ACSM2A: variants seen among roughly 807,000 people sequenced by gnomAD.
The protein encoded by ACSM2A is acyl-CoA synthetase medium chain family member 2A.
In ACSM2A, 72 loss-of-function variants were observed where a neutral mutation model predicts 76.6. The observed-to-expected ratio is 0.94, with a 90% CI of 0.78 to 1.14. The LOEUF is 1.14. ACSM2A is among the 50% of genes most tolerant of loss of function. The pLI is 0.00. For synonymous variants in ACSM2A, 249 were observed against 255.9 expected (o/e 0.97, Z 0.26); for missense variants, 684 against 708.5 (o/e 0.97, Z 0.39).
At chr16:20,480,427 CTGG>C (rs1463012054) in intron 10 of ACSM2A, 143 bp from the exon 11 acceptor site, 1 of 1,433,510 alleles carries the variant, frequency 7.0e-7, no homozygotes, top group East Asian at 2.3e-5. Flanking sequence ...CTAGGGTTGG[CTGG>C]TTCAGGGCAT....
At chr16:20,456,774 C>T (rs960297596) in intron 1 of ACSM2A, among the ~76,000 whole-genome samples, 1 of 148,652 alleles carries the variant, frequency 6.7e-6, no homozygotes, top group African/African-American at 2.5e-5. Flanking sequence ...AAACCCAAAC[C>T]CAGCATAAGA....
intron 6 of ACSM2A, among the ~76,000 whole-genome samples, chr16:20,473,315 G>T (rs1341914651): frequency 6.6e-6 from 1 of 152,054 alleles, no homozygotes; most frequent in African/African-American, 2.4e-5. Context: ...ACTTGAACTG[G>T]TTTTTATTAA....
In ACSM2A at chr16:20,475,384, A is replaced by T; in HGVS notation, c.917A>T (p.Lys306Met). 6.2e-7 allele frequency: 1 copy of T among 1,613,762 alleles called. No individual in the cohort carries two copies. The highest frequency in any genetic ancestry group is 2.2e-5 in the East Asian group (1 of 44,882). The change falls in exon 7 of 14, where the codon AAG becomes ATG. Residue 306 changes from lysine (K) to methionine (M), a missense_variant. By Grantham distance (95) the Lys-to-Met change is moderately conservative. Transcript: ENST00000573854. Reference sequence around the variant, plus strand: ...CAGACACTCTCCAGTTATCCAATCAAGAGTATGATGGGTGCCCCCATTGTT... The same window carrying T: ...CAGACACTCTCCAGTTATCCAATCATGAGTATGATGGGTGCCCCCATTGTT... ...ILKTLSSYPI[K>M]SMMGAPIVYR...
At position 20,486,795 on chromosome 16, in the gene ACSM2A, T is replaced by C. The variant is rs1416508303; in HGVS notation, c.*117T>C. On this transcript the variant is annotated 3_prime_UTR_variant, in exon 14 of 14. Coordinates refer to ENST00000573854, the MANE Select transcript of ACSM2A (RefSeq NM_001308172.2). ...TTATGGAAGAACATGAATATAAGTT[T>C]TGTCTTGCCTTGGTTATTAGCACAA... is the stretch of plus-strand genomic sequence containing the variant. 15 of 1,289,366 alleles carry C rather than the reference T, an allele frequency of 1.2e-5. No individual in the cohort carries two copies. Among genetic ancestry groups the C allele is most frequent in the Non-Finnish European group, 1.6e-5 (15 of 918,058 alleles). 79.9% of individuals were successfully genotyped at this position (1,289,366 alleles called of 1,614,324 possible).
chr16:20,459,594 G>A (rs978513895), intron 1 of ACSM2A, among the ~76,000 whole-genome samples: 2 of 152,196 alleles, frequency 1.3e-5, no homozygotes, highest in African/African-American at 4.8e-5. Context: ...GTCTCATGCA[G>A]AGGGGAGAAA....
rs755602035 is a variant in ACSM2A at position 20,478,670 on chromosome 16, G to C, written c.1274G>C (p.Gly425Ala). The C allele has an allele frequency of 8.1e-6, 13 of 1,611,672 alleles. No individual in the cohort carries two copies. Among genetic ancestry groups the C allele is most frequent in the Non-Finnish European group, 6.8e-6 (8 of 1,178,338 alleles). ...ATCAGGCCTATAGGCATCTTCTCTG[G>C]CTATGTGGTGAGAAACTGTGCTCCT... Reference protein sequence around the residue: ...KPIRPIGIFSGYVDNPDKTAA... With the variant: ...KPIRPIGIFSAYVDNPDKTAA... Residue 425 changes from glycine (G) to alanine (A), a missense_variant, in exon 10 of 14, where the codon GGC becomes GCC. Around this residue, in one of 3 missense-constraint regions of ACSM2A, gnomAD observed 519 missense variants for 549.5 expected, o/e 0.94. Coordinates refer to ENST00000573854, the MANE Select transcript of ACSM2A (RefSeq NM_001308172.2).
Position 20,465,597 on chromosome 16 carries a change from G to A in ACSM2A, c.258G>A (p.Leu86=), listed in dbSNP as rs1289286688. The A allele has an allele frequency of 1.9e-6, 3 of 1,613,998 alleles. No individual in the cohort carries two copies. Among genetic ancestry groups the A allele is most frequent in the Middle Eastern group, 1.7e-4 (1 of 6,056 alleles). ...GKELMWNFRE[L]SENSQQAANV... ...AATTAATGTGGAATTTCAGAGAACT[G>A]AGTGAAAACAGCCAGCAGGCAGCCA... The change falls in exon 3 of 14, where the codon CTG becomes CTA. Residue 86 remains leucine, a synonymous_variant. Coordinates refer to ENST00000573854, the MANE Select transcript of ACSM2A (RefSeq NM_001308172.2).
At chr16:20,476,478 G>T in intron 8 of ACSM2A, 1 of 985,406 alleles carries the variant, frequency 1.0e-6, no homozygotes, top group Non-Finnish European at 1.2e-6. Flanking sequence ...GAAGGTTGAC[G>T]GCAGCTCTGT....
rs917139959 is a variant in ACSM2A at position 20,483,127 on chromosome 16, C to T, written c.1579C>T (p.Leu527=). 1 of 1,614,080 alleles carries T rather than the reference C, an allele frequency of 6.2e-7. No homozygotes were observed. Among genetic ancestry groups the T allele is most frequent in the Admixed American group, 1.7e-5 (1 of 60,006 alleles). The part of the protein sequence containing the change: ...SHDPEQLTKE[L]QQHVKSVTAP... ...TGACCCAGAACAGCTCACCAAGGAG[C>T]TGCAGCAGCATGTGAAGTCAGTGAC... The change falls in exon 13 of 14, where the codon CTG becomes TTG. Residue 527 remains leucine (L), a synonymous_variant. Coordinates refer to ENST00000573854, the MANE Select transcript of ACSM2A (RefSeq NM_001308172.2).
At chr16:20,483,386 A>G (rs1334115780) in intron 13 of ACSM2A, among the ~76,000 whole-genome samples, 1 of 92,898 alleles carries the variant, frequency 1.1e-5, no homozygotes, top group African/African-American at 3.0e-5. Flanking sequence ...CCTGGCCAAC[A>G]TGGTGAAACC....
intron 6 of ACSM2A, among the ~76,000 whole-genome samples, chr16:20,472,697 A>G (rs772241509): frequency 4.6e-5 from 7 of 151,808 alleles, no homozygotes; most frequent in Non-Finnish European, 1.0e-4. Flanking sequence ...GATTAATTTT[A>G]TCTCTTCTTG....
rs2013806715 is a variant in ACSM2A, at chr16:20,477,368, G to A, written c.1099-1G>A. ...GCTGATCTGTCTGCTTCTTTCCACA[G>A]GGATTAACTTGCATGGTTTCCAAGA... On this transcript the variant is annotated splice_acceptor_variant, in intron 8 of 13. Coordinates refer to ENST00000573854, the MANE Select transcript of ACSM2A (RefSeq NM_001308172.2). LOFTEE classifies it high-confidence loss of function. 1 of 1,597,776 alleles carries A rather than the reference G, an allele frequency of 6.3e-7. No individual in the cohort carries two copies. The highest frequency in any genetic ancestry group is 1.8e-5 in the Admixed American group (1 of 56,992).
chr16:20,469,878 T>C (rs1188118043), intron 4 of ACSM2A, among the ~76,000 whole-genome samples, 159 bp downstream of exon 4: 1 of 148,748 alleles, frequency 6.7e-6, no homozygotes, highest in Non-Finnish European at 1.5e-5. Context: ...GGGTATTTTT[T>C]TTTTTTTTTT....
intron 1 of ACSM2A, among the ~76,000 whole-genome samples, chr16:20,454,821 A>C (rs1485232214): frequency 6.6e-6 from 1 of 151,624 alleles, no homozygotes; most frequent in East Asian, 1.9e-4. Context: ...GAAACTCCTA[A>C]TTTACCTGAG....
chr16:20,460,879 T>C (rs2012581224), intron 2 of ACSM2A, among the ~76,000 whole-genome samples: 1 of 124,060 alleles, frequency 8.1e-6, no homozygotes, highest in Admixed American at 7.8e-5. Context: ...AAAGACTGAG[T>C]CTTCCCAGAA....
intron 1 of ACSM2A, among the ~76,000 whole-genome samples, chr16:20,458,890 T>TAC (rs1213998774): frequency 1.2e-4 from 15 of 124,248 alleles, no homozygotes; most frequent in Non-Finnish European, 2.0e-4. Context: ...ACATAGTATA[T>TAC]ATTATATATA....
chr16:20,486,667 C>T lies in ACSM2A; in HGVS notation c.1723C>T (p.Arg575Cys), dbSNP rs1430246150. Reference sequence around the variant, plus strand: ...GGAGTGGAAGATGTCCGGAAAAGCCCGTGCGCAGTGAGACATCTAAGAGAC... The same window carrying T: ...GGAGTGGAAGATGTCCGGAAAAGCCTGTGCGCAGTGAGACATCTAAGAGAC... ...DKEWKMSGKA[R>C]AQ The change falls in exon 14 of 14, where the codon CGT becomes TGT. Residue 575 changes from arginine (R) to cysteine (C), a missense_variant. By Grantham distance (180) the Arg-to-Cys change is radical. Coordinates refer to ENST00000573854, the MANE Select transcript of ACSM2A (RefSeq NM_001308172.2). The T allele has an allele frequency of 8.1e-6, 13 of 1,614,008 alleles. No individual in the cohort carries two copies. The highest frequency in any genetic ancestry group is 2.2e-5 in the East Asian group (1 of 44,900).
chr16:20,466,754 A>G (rs983632519), intron 3 of ACSM2A, among the ~76,000 whole-genome samples: 1 of 152,252 alleles, frequency 6.6e-6, no homozygotes, highest in Non-Finnish European at 1.5e-5. Context: ...CTGGTCCATC[A>G]GAATGCAAGG....
chr16:20,478,572 C>T lies in ACSM2A; in HGVS notation c.1180-4C>T, dbSNP rs1345155604. ...TCATTCTTCCAATCTGCTTCTTTCT[C>T]CAGATCATAGATGATAAGGGCAACG... On this transcript the variant is annotated splice_polypyrimidine_tract_variant and splice_region_variant and intron_variant, in intron 9 of 13. Coordinates refer to ENST00000573854, the MANE Select transcript of ACSM2A (RefSeq NM_001308172.2). The T allele has an allele frequency of 6.2e-7, 1 of 1,612,692 alleles. No homozygotes were observed. The highest frequency in any genetic ancestry group is 1.3e-5 in the African/African-American group (1 of 74,888).
Sources: allele counts gnomAD v4.1 joint callset (sites outside exome capture counted in the v4.1 genomes callset), GRCh38; gene constraint gnomAD v4.1.1; regional missense constraint gnomAD v4.1.1; transcripts MANE v1.5; gene names NCBI Gene and HGNC (gene_info 2026-07-23, HGNC 2026-07-21).